Variants in TRIM67 observed in about 807,000 individuals in gnomAD.
The protein encoded by TRIM67 is tripartite motif-containing protein 67.
Under a neutral mutation model 71.0 loss-of-function variants are expected in TRIM67, and 39 were observed. That is an observed-to-expected ratio of 0.55 (90% CI 0.43 to 0.72). The LOEUF (loss-of-function observed/expected upper bound fraction) is 0.72, where lower values mean the gene tolerates loss of function less well. TRIM67 is among the 30% of genes least tolerant of loss of function. The pLI is 0.00. For missense variants in TRIM67, 973 were observed against 1,079.2 expected (o/e 0.90, Z 1.38); for synonymous variants, 481 against 473.9 (o/e 1.01, Z -0.19).
At chr1:231,180,098 T>C (rs1682858098) in intron 1 of TRIM67, among the ~76,000 whole-genome samples, 1 of 152,216 alleles carries the variant, frequency 6.6e-6, no homozygotes, top group Admixed American at 6.5e-5. Flanking sequence ...AATGCTTAAA[T>C]GTCCTGAGGT....
At position 231,209,336 on chromosome 1, in the gene TRIM67, C is replaced by A; in HGVS notation, c.2123+86C>A. 1 of 1,391,354 alleles carries A rather than the reference C, an allele frequency of 7.2e-7. No homozygotes were observed. Among genetic ancestry groups the A allele is most frequent in the East Asian group, 2.5e-5 (1 of 39,278 alleles). The allele number at this position is 1,391,354 out of a possible 1,614,324, so 86.2% of individuals were successfully genotyped here. A position where few individuals can be genotyped will look rare whatever the true frequency, so the allele number is the denominator to read the frequency against. On this transcript the variant is annotated intron_variant, in intron 8 of 9. Coordinates refer to ENST00000366653, the MANE Select transcript of TRIM67 (RefSeq NM_001004342.5). The surrounding 1 kb of genome is among the most constrained non-coding windows in gnomAD (Gnocchi z 4.1). ...AAGACCAGTGTCCCTTCTGCTGTCCCCAAAGCCAGGAGGAATTGAGAGGAG... is the reference window on the plus strand; with the variant it reads ...AAGACCAGTGTCCCTTCTGCTGTCCACAAAGCCAGGAGGAATTGAGAGGAG...
Position 231,216,721 on chromosome 1 carries a change from C to T in TRIM67, c.*1281C>T. On this transcript the variant is annotated 3_prime_UTR_variant, in exon 10 of 10. Transcript: ENST00000366653. ...GACTGGGTGTGCCGAGTCTGACCTG[C>T]CAGGGCAGGACTCTGGAAACACCAG... 1 of 985,502 alleles carries T rather than the reference C, an allele frequency of 1.0e-6. No individual in the cohort carries two copies. Among genetic ancestry groups the T allele is most frequent in the Non-Finnish European group, 1.2e-6 (1 of 829,966 alleles). The allele number at this position is 985,502 out of a possible 1,614,324, so 61.0% of individuals were successfully genotyped here. A position where few individuals can be genotyped will look rare whatever the true frequency, so the allele number is the denominator to read the frequency against.
At position 231,209,931 on chromosome 1, in the gene TRIM67, G is replaced by T. The variant is rs1571903294; in HGVS notation, c.2123+681G>T. On this transcript the variant is annotated intron_variant, in intron 8 of 9. Coordinates refer to ENST00000366653, the MANE Select transcript of TRIM67 (RefSeq NM_001004342.5). The surrounding 1 kb of genome is among the most constrained non-coding windows in gnomAD (Gnocchi z 4.1). ...GGCAGATGGGGATGGGTCCTCCAGG[G>T]CTGCCCCTGAGGCCTGGGCTTCTCT... Among the ~76,000 whole-genome samples the T allele has an allele frequency of 1.3e-5, 2 of 152,138 alleles. No homozygotes were observed. Among genetic ancestry groups the T allele is most frequent in the African/African-American group, 4.8e-5 (2 of 41,408 alleles).
chr1:231,197,351 A>C lies in TRIM67; in HGVS notation c.1045-20A>C. On this transcript the variant is annotated intron_variant, in intron 1 of 9. Coordinates refer to ENST00000366653, the MANE Select transcript of TRIM67 (RefSeq NM_001004342.5). ...CTTTCACAACTAATTTTTCTTTTCA[A>C]CATGTGATATCTTTTTCAGGCACAA... is the stretch of plus-strand genomic sequence containing the variant. 1 of 1,608,776 alleles carries C rather than the reference A, an allele frequency of 6.2e-7. No individual in the cohort carries two copies. The highest frequency in any genetic ancestry group is 8.5e-7 in the Non-Finnish European group (1 of 1,177,104).
intron 7 of TRIM67, 151 bp from the exon 8 acceptor site, chr1:231,208,796 G>A (rs974311424): frequency 3.9e-5 from 26 of 670,742 alleles, no homozygotes; most frequent in Non-Finnish European, 5.1e-5. Flanking sequence ...GTGTGTGTGT[G>A]CACGTGTGTG....
At chr1:231,187,251 C>T (rs1302189894) in intron 1 of TRIM67, among the ~76,000 whole-genome samples, 6 of 152,086 alleles carry the variant, frequency 3.9e-5, no homozygotes, top group African/African-American at 1.4e-4. Flanking sequence ...CCCAGGCTCC[C>T]CAAGTGGGGA....
rs549974729 is a variant in TRIM67, at chr1:231,212,797, C to T, written c.2124-1018C>T. 3.9e-4 allele frequency among the ~76,000 whole-genome samples: 59 copies of T among 152,272 alleles called. 1 individual carries two copies. Among genetic ancestry groups the T allele is most frequent in the African/African-American group, 1.3e-3 (55 of 41,558 alleles). ...GAGAAGATGTGGTCAGCCAAGCCCC[C>T]CCTTGGGAGCATGTTCCTTACTTTT... is the stretch of plus-strand genomic sequence containing the variant. On this transcript the variant is annotated intron_variant, in intron 8 of 9. Coordinates refer to ENST00000366653, the MANE Select transcript of TRIM67 (RefSeq NM_001004342.5).
chr1:231,200,247 G>A lies in TRIM67; in HGVS notation c.1363G>A (p.Gly455Arg), dbSNP rs201764109. 4 of 1,611,946 alleles carry A rather than the reference G, an allele frequency of 2.5e-6. No homozygotes were observed. Among genetic ancestry groups the A allele is most frequent in the East Asian group, 2.2e-5 (1 of 44,868 alleles). Reference protein sequence around the residue: ...LEVIKENDPSGFLQISDALIK... With the variant: ...LEVIKENDPSRFLQISDALIK... ...GGTGATCAAGGAGAACGACCCCTCC[G>A]GGTTCTTACAGGTGAGCCTGTCCCT... The change falls in exon 4 of 10, where the codon GGG becomes AGG. Residue 455 changes from glycine to arginine, a missense_variant. By Grantham distance (125) the Gly-to-Arg change is moderately radical. Coordinates refer to ENST00000366653, the MANE Select transcript of TRIM67 (RefSeq NM_001004342.5).
chr1:231,172,146 C>T (rs1682634231), intron 1 of TRIM67, among the ~76,000 whole-genome samples: 1 of 152,166 alleles, frequency 6.6e-6, no homozygotes, highest in Non-Finnish European at 1.5e-5. Flanking sequence ...CCTCACTGTA[C>T]ATTTTGAATA....
rs746981041 is a variant in TRIM67, at chr1:231,218,790, C to T, written c.*3350C>T. 23 of 985,392 alleles carry T rather than the reference C, an allele frequency of 2.3e-5. No individual in the cohort carries two copies. The highest frequency in any genetic ancestry group is 5.2e-4 in the Middle Eastern group (1 of 1,914). The allele number at this position is 985,392 out of a possible 1,614,324, so 61.0% of individuals were successfully genotyped here. ...CAAGTTTGAGGAGGGTGGTGCTTTCCGGATTGAGCCTGGGCAGGCTCTGTG... is the reference window on the plus strand; with the variant it reads ...CAAGTTTGAGGAGGGTGGTGCTTTCTGGATTGAGCCTGGGCAGGCTCTGTG... On this transcript the variant is annotated 3_prime_UTR_variant, in exon 10 of 10. Coordinates refer to ENST00000366653, the MANE Select transcript of TRIM67 (RefSeq NM_001004342.5).
intron 1 of TRIM67, among the ~76,000 whole-genome samples, chr1:231,169,424 C>A (rs1414009890): frequency 8.0e-6 from 1 of 125,140 alleles, no homozygotes; most frequent in Non-Finnish European, 1.6e-5. Flanking sequence ...ATAACCCAGA[C>A]TGGAGTTCAG....
chr1:231,169,270 G>C (rs909009598), intron 1 of TRIM67, among the ~76,000 whole-genome samples: 1 of 151,500 alleles, frequency 6.6e-6, no homozygotes, highest in African/African-American at 2.4e-5. Context: ...GGCCAGGCTG[G>C]TCTTGAACCC....
At chr1:231,187,541 A>C in intron 1 of TRIM67, 1 of 1,532,884 alleles carries the variant, frequency 6.5e-7, no homozygotes, top group South Asian at 1.2e-5. Context: ...GCAGATAAAA[A>C]GGTGAGAGAA....
At chr1:231,179,129 G>C (rs1385091157) in intron 1 of TRIM67, among the ~76,000 whole-genome samples, 1 of 152,224 alleles carries the variant, frequency 6.6e-6, no homozygotes, top group East Asian at 1.9e-4. Context: ...AGTTCTGGAG[G>C]CTGGAAGTCC....
chr1:231,219,816 T>C lies in TRIM67; in HGVS notation c.*4376T>C. The C allele has an allele frequency of 5.5e-6, 7 of 1,278,980 alleles. No individual in the cohort carries two copies. The highest frequency in any genetic ancestry group is 7.1e-6 in the Non-Finnish European group (7 of 982,570). 79.2% of individuals were successfully genotyped at this position (1,278,980 alleles called of 1,614,324 possible). On this transcript the variant is annotated 3_prime_UTR_variant, in exon 10 of 10. Coordinates refer to ENST00000366653, the MANE Select transcript of TRIM67 (RefSeq NM_001004342.5). ...AGCTGTGTTTGTTGACCACATTCTT[T>C]GGCAGTTCCTCCCAGAAGATCAAAG...
chr1:231,169,002 G>A (rs1682550144), intron 1 of TRIM67, among the ~76,000 whole-genome samples: 1 of 152,252 alleles, frequency 6.6e-6, no homozygotes, highest in Non-Finnish European at 1.5e-5. Context: ...GGCTCTCAGA[G>A]CATGTGGCAT....
At chr1:231,212,923 C>T (rs1169209168) in intron 8 of TRIM67, among the ~76,000 whole-genome samples, 6 of 152,168 alleles carry the variant, frequency 3.9e-5, no homozygotes, top group Admixed American at 3.9e-4. Context: ...TCTCAACGTT[C>T]CGCTATTGGT....
chr1:231,219,511 G>A lies in TRIM67; in HGVS notation c.*4071G>A. On this transcript the variant is annotated 3_prime_UTR_variant, in exon 10 of 10. Transcript: ENST00000366653. ...TTTTCCATGTGTCTTCAGGGGGCAG[G>A]TAGGGGAAAATGGGGTGAGCCACCT... 2 of 1,072,886 alleles carry A rather than the reference G, an allele frequency of 1.9e-6. No individual in the cohort carries two copies. The highest frequency in any genetic ancestry group is 2.3e-6 in the Non-Finnish European group (2 of 882,804). 66.5% of individuals were successfully genotyped at this position (1,072,886 alleles called of 1,614,324 possible).
At chr1:231,174,886 T>C (rs1310536570) in intron 1 of TRIM67, among the ~76,000 whole-genome samples, 1 of 152,194 alleles carries the variant, frequency 6.6e-6, no homozygotes, top group Non-Finnish European at 1.5e-5. Flanking sequence ...AAATAAGTAG[T>C]CTACTTGAAT....
Sources: allele counts gnomAD v4.1 joint callset (sites outside exome capture counted in the v4.1 genomes callset), GRCh38; gene constraint gnomAD v4.1.1; non-coding constraint Gnocchi (gnomAD v3.1); transcripts MANE v1.5; gene names NCBI Gene and HGNC (gene_info 2026-07-23, HGNC 2026-07-21).